The following ZC3HAV1L variants were observed in gnomAD, a reference collection of about 807,000 sequenced individuals.
ZC3HAV1L encodes zinc finger CCCH-type antiviral protein 1-like.
In ZC3HAV1L, 23 loss-of-function variants were observed where a neutral mutation model predicts 28.2. The ratio of observed to expected loss-of-function variants is 0.82; its 90% CI spans 0.59 to 1.16. ZC3HAV1L has a LOEUF of 1.16. ZC3HAV1L is among the 50% of genes most tolerant of loss of function. The pLI, the probability that ZC3HAV1L is intolerant of heterozygous loss-of-function variation, is 0.00. For missense variants in ZC3HAV1L, 376 were observed against 387.7 expected (o/e 0.97, Z 0.25); for synonymous variants, 180 against 163.4 (o/e 1.10, Z -0.78).
At chr7:139,022,409 G>C (rs1227277289), downstream of ZC3HAV1L, 1 of 435,608 alleles carries the variant, frequency 2.3e-6, no homozygotes, top group Non-Finnish European at 4.6e-6. Flanking sequence ...AGCTGAGTAT[G>C]GTGGCATGCA....
At chr7:139,026,923 A>G (rs1394346027) in intron 3 of ZC3HAV1L, 90 bp from the exon 4 acceptor site, 9 of 1,415,240 alleles carry the variant, frequency 6.4e-6, no homozygotes, top group Admixed American at 2.2e-5. Context: ...GCCATCAGAC[A>G]AGACTCCCAA....
chr7:139,027,131 T>C (rs1335410904), intron 3 of ZC3HAV1L, among the ~76,000 whole-genome samples: 5 of 100,582 alleles, frequency 5.0e-5, no homozygotes, highest in African/African-American at 2.3e-4. Context: ...CACAGTTCCC[T>C]AAACAGCCCG....
intron 2 of ZC3HAV1L, among the ~76,000 whole-genome samples, chr7:139,033,080 G>A (rs999161468): frequency 6.6e-6 from 1 of 152,020 alleles, no homozygotes; most frequent in Admixed American, 6.5e-5. Context: ...ATGGTGGCAC[G>A]TGCCTGTAGT....
intron 1 of ZC3HAV1L, chr7:139,034,927 A>C (rs1018832032): frequency 1.1e-5 from 11 of 985,268 alleles, no homozygotes; most frequent in Non-Finnish European, 1.2e-5. Flanking sequence ...ACCTCGCCTG[A>C]GGATGCACAT....
At chr7:139,024,118 A>G (rs1440300305), downstream of ZC3HAV1L, among the ~76,000 whole-genome samples, 7 of 152,212 alleles carry the variant, frequency 4.6e-5, no homozygotes, top group Admixed American at 3.3e-4. Flanking sequence ...ATGCGACTTG[A>G]CATCAAAAAC....
downstream of ZC3HAV1L, among the ~76,000 whole-genome samples, chr7:139,024,480 A>C (rs1815306202): frequency 6.6e-6 from 1 of 152,206 alleles, no homozygotes; most frequent in Non-Finnish European, 1.5e-5. Context: ...ACATAGTAAA[A>C]TGGTAAGTGT....
At chr7:139,033,907 G>A in intron 2 of ZC3HAV1L, 1 of 985,384 alleles carries the variant, frequency 1.0e-6, no homozygotes, top group Non-Finnish European at 1.2e-6. Flanking sequence ...TGGGCAACAT[G>A]GTTGGTTGGA....
At chr7:139,028,989 A>C (rs748078356) in intron 2 of ZC3HAV1L, 29 bp from the exon 3 acceptor site, 44 of 1,593,654 alleles carry the variant, frequency 2.8e-5, no homozygotes, top group Non-Finnish European at 3.7e-5. Flanking sequence ...AACACCTGAA[A>C]TATTAGTTTT....
chr7:139,028,565 C>A, intron 3 of ZC3HAV1L, 137 bp downstream of exon 3: 1 of 1,208,858 alleles, frequency 8.3e-7, no homozygotes, highest in East Asian at 2.4e-5. Context: ...TAAACTTTCC[C>A]AAGAACAAAG....
chr7:139,028,297 C>T (rs140514071), intron 3 of ZC3HAV1L, among the ~76,000 whole-genome samples: 2,770 of 147,656 alleles, frequency 0.019, 63 homozygotes, highest in African/African-American at 0.064. Context: ...CGCTTGAACC[C>T]GGGAGGCAGA....
downstream of ZC3HAV1L, among the ~76,000 whole-genome samples, chr7:139,022,867 T>C (rs1014075200): frequency 1.2e-4 from 18 of 152,148 alleles, no homozygotes; most frequent in Non-Finnish European, 2.4e-4. Context: ...GAAGAAGGAA[T>C]GGCACTTATA....
At chr7:139,029,712 TC>T (rs1325418733) in intron 2 of ZC3HAV1L, among the ~76,000 whole-genome samples, 1 of 152,148 alleles carries the variant, frequency 6.6e-6, no homozygotes, top group Non-Finnish European at 1.5e-5. Flanking sequence ...CACTGGGTTT[TC>T]CTGAAAAGCC....
At chr7:139,031,894 G>C (rs1260910340) in intron 2 of ZC3HAV1L, among the ~76,000 whole-genome samples, 1 of 152,178 alleles carries the variant, frequency 6.6e-6, no homozygotes, top group Non-Finnish European at 1.5e-5. Flanking sequence ...GATAGAGCAA[G>C]ATTCCATCTC....
rs185983316 is a variant in ZC3HAV1L at position 139,026,198 on chromosome 7, G to T, written c.*346C>A. ...ACTATGATAATATTAATGTATCTGT[G>T]CAAAAACATGATTATGTACGATGTG... On this transcript the variant is annotated 3_prime_UTR_variant, in exon 5 of 5. Coordinates refer to ENST00000275766, the MANE Select transcript of ZC3HAV1L (RefSeq NM_080660.4). 79 of 259,694 alleles carry T rather than the reference G, an allele frequency of 3.0e-4. No homozygotes were observed. Among genetic ancestry groups the T allele is most frequent in the Non-Finnish European group, 8.6e-5 (12 of 139,116 alleles). 16.1% of individuals were successfully genotyped at this position (259,694 alleles called of 1,614,324 possible).
intron 2 of ZC3HAV1L, among the ~76,000 whole-genome samples, chr7:139,031,426 AAC>A (rs1158080501): frequency 6.6e-6 from 1 of 152,118 alleles, no homozygotes; most frequent in Non-Finnish European, 1.5e-5. Flanking sequence ...CTCTACTAAA[AAC>A]ACAACGAATT....
chr7:139,031,051 A>T (rs1165797150), intron 2 of ZC3HAV1L, among the ~76,000 whole-genome samples: 1 of 152,218 alleles, frequency 6.6e-6, no homozygotes, highest in Non-Finnish European at 1.5e-5. Flanking sequence ...TCGTAACTTT[A>T]ATGCAATTTC....
chr7:139,035,115 C>G, intron 1 of ZC3HAV1L: 1 of 985,480 alleles, frequency 1.0e-6, no homozygotes, highest in Non-Finnish European at 1.2e-6. Flanking sequence ...CAGCCCCGAA[C>G]CCCAGCTCTG....
At chr7:139,035,250 A>G in intron 1 of ZC3HAV1L, 3 of 985,226 alleles carry the variant, frequency 3.0e-6, no homozygotes, top group Non-Finnish European at 3.6e-6. Context: ...GATATGGGGG[A>G]GCAGCGATTT....
At chr7:139,032,552 A>AG (rs36064645) in intron 2 of ZC3HAV1L, among the ~76,000 whole-genome samples, 73,090 of 150,420 alleles carry the variant, frequency 0.49, 18,234 homozygotes, top group Non-Finnish European at 0.52. Context: ...TGAACCCGGG[A>AG]GCAGAGCTTG....
Sources: allele counts gnomAD v4.1 joint callset (sites outside exome capture counted in the v4.1 genomes callset), GRCh38; gene constraint gnomAD v4.1.1; transcripts MANE v1.5; gene names NCBI Gene and HGNC (gene_info 2026-07-23, HGNC 2026-07-21).